The following ARFGEF1 variants were observed in gnomAD, a reference collection of about 807,000 sequenced individuals.
ARFGEF1 encodes brefeldin A-inhibited guanine nucleotide-exchange protein 1.
A neutral mutation model predicts 231.0 loss-of-function variants in ARFGEF1; 42 were observed. The observed-to-expected ratio is 0.18, with a 90% CI of 0.14 to 0.24. The LOEUF (loss-of-function observed/expected upper bound fraction) is 0.24. Among genes scored for constraint, ARFGEF1 ranks in the 10% least tolerant of loss-of-function variants. ARFGEF1 has a pLI of 1.00. For synonymous variants in ARFGEF1, 710 were observed against 732.3 expected, an observed-to-expected ratio of 0.97 and a Z score of 0.49; for missense variants, 1,345 against 2,192.0, an observed-to-expected ratio of 0.61 and a Z score of 7.72.
In ARFGEF1 at chr8:67,339,795, CGGG is replaced by C. The variant is rs746222432; in HGVS notation, c.124+3366_124+3368del. Among the ~76,000 whole-genome samples the C allele has an allele frequency of 3.5e-3, 50 of 14,272 alleles. 16 individuals are homozygous for C. The highest frequency in any genetic ancestry group is 0.012 in the South Asian group (4 of 346). The allele number at this position is 14,272 out of a possible 152,430, so 9.4% of individuals were successfully genotyped here. ...GTTGTAACAGTGTAACAGTGTGGGG[CGGG>C]GGGGGGGATTCTTTCTTTTTTAACC... On this transcript the variant is annotated intron_variant, in intron 1 of 38. Coordinates refer to ENST00000262215, the MANE Select transcript of ARFGEF1 (RefSeq NM_006421.5).
intron 2 of ARFGEF1, among the ~76,000 whole-genome samples, chr8:67,302,215 T>A (rs943385142): frequency 3.3e-5 from 5 of 152,056 alleles, no homozygotes; most frequent in Non-Finnish European, 5.9e-5. Flanking sequence ...AATATATGCA[T>A]ACATTTTTAT....
At chr8:67,312,744 GA>G (rs1455765757) in intron 1 of ARFGEF1, among the ~76,000 whole-genome samples, 1 of 152,182 alleles carries the variant, frequency 6.6e-6, no homozygotes, top group East Asian at 1.9e-4. Context: ...AATGTATGCA[GA>G]AAAAGTATTT....
At chr8:67,179,922 T>C in intron 5 of ARFGEF1, 1 of 1,517,288 alleles carries the variant, frequency 6.6e-7, no homozygotes, top group South Asian at 1.1e-5. Context: ...ATAGTGCTTT[T>C]ATTGGTGAGT....
At chr8:67,175,455 T>C (rs776405087), downstream of ARFGEF1, 1 of 1,613,850 alleles carries the variant, frequency 6.2e-7, no homozygotes, top group Non-Finnish European at 8.5e-7. Flanking sequence ...TAATCATTGC[T>C]GTGTCAAATA....
intron 1 of ARFGEF1, 50 bp downstream of exon 1, chr8:67,343,114 T>G (rs746929512): frequency 2.7e-4 from 35 of 131,918 alleles, no homozygotes; most frequent in Non-Finnish European, 3.4e-4. Context: ...GGCGCCCCCC[T>G]CCCCGCCCCA....
At chr8:67,260,050 T>C (rs1840590845) in intron 14 of ARFGEF1, 124 bp from the exon 15 acceptor site, 3 of 453,584 alleles carry the variant, frequency 6.6e-6, no homozygotes, top group Non-Finnish European at 7.8e-6. Context: ...TACACATCAG[T>C]ACATGAATGT....
At chr8:67,230,677 T>G (rs1036193160) in intron 23 of ARFGEF1, among the ~76,000 whole-genome samples, 2 of 152,036 alleles carry the variant, frequency 1.3e-5, no homozygotes, top group African/African-American at 4.8e-5. Flanking sequence ...AGAGAAAAAC[T>G]ATGATGCTAA....
intron 6 of ARFGEF1, among the ~76,000 whole-genome samples, chr8:67,291,283 C>T (rs1383837028): frequency 6.6e-6 from 1 of 151,886 alleles, no homozygotes; most frequent in East Asian, 1.9e-4. Flanking sequence ...ATCTTATAAG[C>T]GTTTTCTTAT....
chr8:67,244,649 A>G (rs1322854804), intron 19 of ARFGEF1, among the ~76,000 whole-genome samples: 1 of 149,802 alleles, frequency 6.7e-6, no homozygotes, highest in South Asian at 2.1e-4. Context: ...AAGAATTAGT[A>G]AGCGTGAAGA....
chr8:67,219,648 A>G, intron 29 of ARFGEF1, 88 bp from the exon 30 acceptor site: 3 of 1,389,082 alleles, frequency 2.2e-6, no homozygotes, highest in Non-Finnish European at 2.9e-6. Context: ...AAGCAGTTAA[A>G]AACAGAAAGC....
intron 19 of ARFGEF1, among the ~76,000 whole-genome samples, chr8:67,248,075 T>C (rs1441897169): frequency 6.7e-6 from 1 of 150,004 alleles, no homozygotes; most frequent in Non-Finnish European, 1.5e-5. Context: ...TGCTAAAATG[T>C]CCATATTACC....
chr8:67,223,529 C>T (rs1419070513), intron 29 of ARFGEF1, among the ~76,000 whole-genome samples: 1 of 152,110 alleles, frequency 6.6e-6, no homozygotes, highest in African/African-American at 2.4e-5. Flanking sequence ...CATACATATC[C>T]TGGGATGAGG....
intron 14 of ARFGEF1, among the ~76,000 whole-genome samples, chr8:67,265,549 G>A (rs895802405): frequency 2.0e-5 from 3 of 152,242 alleles, no homozygotes; most frequent in Middle Eastern, 3.4e-3. Flanking sequence ...AGCCAGGCTG[G>A]AAGAGAGGTG....
intron 1 of ARFGEF1, among the ~76,000 whole-genome samples, chr8:67,329,982 A>C (rs887614227): frequency 1.3e-5 from 2 of 152,112 alleles, no homozygotes; most frequent in African/African-American, 4.8e-5. Flanking sequence ...ACTCAATTTA[A>C]TAACACAAAA....
intron 29 of ARFGEF1, among the ~76,000 whole-genome samples, chr8:67,221,765 T>C (rs912729817): frequency 3.9e-5 from 6 of 151,950 alleles, no homozygotes; most frequent in Non-Finnish European, 7.4e-5. Context: ...GTCCGGCGAG[T>C]TCCAGTCATG....
In ARFGEF1 at chr8:67,197,749, T is replaced by C. The variant is rs907392476; in HGVS notation, c.*1185A>G. ...ATGGGAATCAATATTGTACAGAAAG[T>C]TGTACAGAATTTTTTACATAGAAAA... On this transcript the variant is annotated 3_prime_UTR_variant, in exon 39 of 39. Transcript: ENST00000262215. The C allele has an allele frequency of 1.0e-6, 1 of 985,704 alleles. No individual in the cohort carries two copies. The highest frequency in any genetic ancestry group is 1.2e-6 in the Non-Finnish European group (1 of 829,894). The allele number at this position is 985,704 out of a possible 1,614,324, so 61.1% of individuals were successfully genotyped here. A position where few individuals can be genotyped will look rare whatever the true frequency, so the allele number is the denominator to read the frequency against.
rs1338511343 is a variant in ARFGEF1, at chr8:67,200,311, G to A, written c.5385+85C>T. 1.1e-6 allele frequency: 1 copy of A among 938,456 alleles called. No homozygotes were observed. The highest frequency in any genetic ancestry group is 1.8e-6 in the Non-Finnish European group (1 of 567,822). The allele number at this position is 938,456 out of a possible 1,614,324, so 58.1% of individuals were successfully genotyped here. A position where few individuals can be genotyped will look rare whatever the true frequency, so the allele number is the denominator to read the frequency against. The stretch of plus-strand genomic sequence containing the variant: ...GGCACTGCTTGATTCATCTCTGAGA[G>A]CTCTTGCACGGCGGCTCTGGGACCC... On this transcript the variant is annotated intron_variant, in intron 38 of 38. Transcript: ENST00000262215.
intron 1 of ARFGEF1, among the ~76,000 whole-genome samples, chr8:67,310,712 C>T (rs1806972377): frequency 6.6e-6 from 1 of 151,880 alleles, no homozygotes; most frequent in Non-Finnish European, 1.5e-5. Context: ...CCCCGCCGCC[C>T]AATCTGGGAT....
chr8:67,181,796 A>C (rs776174158), intron 5 of ARFGEF1, among the ~76,000 whole-genome samples: 8 of 152,190 alleles, frequency 5.3e-5, no homozygotes, highest in Non-Finnish European at 1.2e-4. Flanking sequence ...TCTTGAAAAT[A>C]GAAACTCTTC....
Sources: allele counts gnomAD v4.1 joint callset (sites outside exome capture counted in the v4.1 genomes callset), GRCh38; gene constraint gnomAD v4.1.1; transcripts MANE v1.5; gene names NCBI Gene and HGNC (gene_info 2026-07-23, HGNC 2026-07-21).